MGA: variants seen among roughly 807,000 people sequenced by gnomAD.
The protein encoded by MGA is MAX dimerization protein MGA.
A neutral mutation model predicts 261.1 loss-of-function variants in MGA; 40 were observed. That is an observed-to-expected ratio of 0.15 (90% confidence interval 0.12 to 0.20). The LOEUF is 0.20. Ranked by LOEUF, MGA falls within the 10% of genes least tolerant of loss-of-function variation. The pLI, the probability that MGA is intolerant of heterozygous loss-of-function variation, is 1.00. For missense variants in MGA, 3,397 were observed against 3,630.5 expected (o/e 0.94, Z 1.65); for synonymous variants, 1,302 against 1,290.6 (o/e 1.01, Z -0.19).
intron 13 of MGA, 39 bp downstream of exon 13, chr15:41,736,737 TAC>T: frequency 6.6e-7 from 1 of 1,504,122 alleles, no homozygotes; most frequent in Non-Finnish European, 8.9e-7. Context: ...CACCTTTGTA[TAC>T]ACCTAGGTAG....
In MGA at chr15:41,760,459, T is replaced by A. The variant is rs2151993270; in HGVS notation, c.7328T>A (p.Phe2443Tyr). ...CGGCGTGGTGAAATGAGGGATCTCT[T>A]TGAGAAATTAAAGATCACATTGGGA... Residue 2443 changes from phenylalanine to tyrosine, a missense_variant, in exon 20 of 24, where the codon TTT (phenylalanine) becomes TAT (tyrosine). Physicochemically the swap from Phe to Tyr is conservative, Grantham distance 22 (BLOSUM62 3). Transcript: ENST00000219905. 1 of 1,614,008 alleles carries A rather than the reference T, an allele frequency of 6.2e-7. No homozygotes were observed.
upstream of MGA, among the ~76,000 whole-genome samples, chr15:41,656,344 T>TCTCTCTCTCTCCCCC (rs149903830): frequency 1.7e-5 from 1 of 59,988 alleles, no homozygotes; most frequent in Non-Finnish European, 3.6e-5. Context: ...CTCTCCTCTC[T>TCTCTCTCTCTCCCCC]TCTCTCTCTC....
intron 12 of MGA, among the ~76,000 whole-genome samples, chr15:41,735,154 A>G (rs932225070): frequency 2.6e-5 from 4 of 152,174 alleles, no homozygotes; most frequent in African/African-American, 4.8e-5. Context: ...TCTATAGCAC[A>G]TTGCGGTAAG....
In MGA at chr15:41,696,744, A is replaced by T. The variant is rs749862030; in HGVS notation, c.1734A>T (p.Ser578=). 1 of 1,611,442 alleles carries T rather than the reference A, an allele frequency of 6.2e-7. No individual in the cohort carries two copies. The highest frequency in any genetic ancestry group is 8.5e-7 in the Non-Finnish European group (1 of 1,178,682). The change falls in exon 3 of 24, where the codon TCA becomes TCT. Residue 578 remains serine (S), a synonymous_variant. Coordinates refer to ENST00000219905, the MANE Select transcript of MGA (RefSeq NM_001164273.2). ...AGGATTCAGTTGGAGACTCACTTTC[A>T]GGAAAAGAGGACTTGGGCAGAAAGA...
At chr15:41,686,452 G>C (rs1363335055) in intron 2 of MGA, among the ~76,000 whole-genome samples, 1 of 152,134 alleles carries the variant, frequency 6.6e-6, no homozygotes, top group Non-Finnish European at 1.5e-5. Flanking sequence ...GATTGCTTGA[G>C]TTGAGCCTGG....
At chr15:41,668,486 A>G (rs2057883717) in intron 1 of MGA, among the ~76,000 whole-genome samples, 1 of 152,202 alleles carries the variant, frequency 6.6e-6, no homozygotes, top group Non-Finnish European at 1.5e-5. Flanking sequence ...TTAAAAATGC[A>G]TAACCTTCAA....
chr15:41,741,798 A>G (rs933497916), intron 14 of MGA, among the ~76,000 whole-genome samples: 1 of 151,688 alleles, frequency 6.6e-6, no homozygotes, highest in Admixed American at 6.6e-5. Context: ...TGCAGCATCC[A>G]CCTCCTGGGT....
Position 41,760,814 on chromosome 15 carries a change from G to A in MGA, c.7398+285G>A, listed in dbSNP as rs144279994. On this transcript the variant is annotated intron_variant, in intron 20 of 23. Transcript: ENST00000219905. ...TACAATGGCACGATCTTGGCTCACC[G>A]CAACCTTTGCCTCATGGGTTCAAGC... is the stretch of plus-strand genomic sequence containing the variant. 7.9e-4 allele frequency among the ~76,000 whole-genome samples: 120 copies of A among 152,144 alleles called. 3 individuals carry two copies. The East Asian group carries it at 0.019, about 24-fold the overall frequency.
chr15:41,697,793 A>G (rs1424572171), intron 3 of MGA, among the ~76,000 whole-genome samples: 2 of 152,154 alleles, frequency 1.3e-5, no homozygotes, highest in Non-Finnish European at 2.9e-5. Context: ...TGTCTTACAC[A>G]TTGAAGTCTC....
chr15:41,711,634 A>G lies in MGA; in HGVS notation c.3084+285A>G, dbSNP rs74665471. 8.3e-3 allele frequency among the ~76,000 whole-genome samples: 1,257 copies of G among 152,188 alleles called. 13 individuals are homozygous for G. Among genetic ancestry groups the G allele is most frequent in the African/African-American group, 0.029 (1,208 of 41,474 alleles). On this transcript the variant is annotated intron_variant, in intron 8 of 23. Coordinates refer to ENST00000219905, the MANE Select transcript of MGA (RefSeq NM_001164273.2). ...GACCATTCTGAAAATCTCTGATTTC[A>G]TTTTCCAACATATGGGCAAGTACAT... is the stretch of plus-strand genomic sequence containing the variant.
At chr15:41,683,628 G>C (rs2058791141) in intron 2 of MGA, among the ~76,000 whole-genome samples, 1 of 149,652 alleles carries the variant, frequency 6.7e-6, no homozygotes, top group South Asian at 2.1e-4. Flanking sequence ...ACCCAGGCTG[G>C]AGTGCAGTGG....
At position 41,749,904 on chromosome 15, in the gene MGA, A is replaced by C; in HGVS notation, c.6297A>C (p.Gln2099His). Residue 2099 changes from glutamine to histidine, a missense_variant, in exon 17 of 24, where the codon CAA (glutamine) becomes CAC (histidine). Physicochemically the swap from Gln to His is conservative, Grantham distance 24. Transcript: ENST00000219905. ...AAAAAGCCAGTAATAAGACAGTCCAAAATTTAAGTAAAGTACAGCATCAAA... is the reference window on the plus strand; with the variant it reads ...AAAAAGCCAGTAATAAGACAGTCCACAATTTAAGTAAAGTACAGCATCAAA... 1 of 1,613,988 alleles carries C rather than the reference A, an allele frequency of 6.2e-7. No individual in the cohort carries two copies. Among genetic ancestry groups the C allele is most frequent in the Non-Finnish European group, 8.5e-7 (1 of 1,179,892 alleles).
intron 2 of MGA, among the ~76,000 whole-genome samples, chr15:41,679,135 A>G (rs909555755): frequency 1.3e-5 from 2 of 151,868 alleles, no homozygotes; most frequent in Non-Finnish European, 2.9e-5. Flanking sequence ...TCCTGTGTTT[A>G]AGCAATTCTC....
intron 15 of MGA, among the ~76,000 whole-genome samples, chr15:41,747,939 C>T (rs373585283): frequency 1.1e-4 from 16 of 152,260 alleles, no homozygotes; most frequent in African/African-American, 2.2e-4. Flanking sequence ...CCAAATTAGA[C>T]GTTATTTGAA....
chr15:41,730,314 C>T (rs970590051), intron 11 of MGA, among the ~76,000 whole-genome samples: 1 of 152,022 alleles, frequency 6.6e-6, no homozygotes, highest in African/African-American at 2.4e-5. Flanking sequence ...TGGTGGGCCC[C>T]TGTAATCCCA....
At chr15:41,744,355 C>T (rs1031639892) in intron 15 of MGA, among the ~76,000 whole-genome samples, 8 of 152,056 alleles carry the variant, frequency 5.3e-5, no homozygotes, top group African/African-American at 1.9e-4. Flanking sequence ...AGGTTTATGC[C>T]ACCACGTCCA....
At chr15:41,636,910 C>T (rs563677228) in intron 1 of MGA, among the ~76,000 whole-genome samples, 16 of 152,134 alleles carry the variant, frequency 1.1e-4, no homozygotes, top group Middle Eastern at 3.4e-3. Flanking sequence ...CAAGGGTGTC[C>T]TGGAACCAGT....
chr15:41,760,615 G>A (rs2063398030), intron 20 of MGA, 86 bp downstream of exon 20: 3 of 1,363,786 alleles, frequency 2.2e-6, no homozygotes, highest in Middle Eastern at 1.9e-4. Context: ...TGACATATAA[G>A]GGAGATTGAA....
intron 14 of MGA, 51 bp from the exon 15 acceptor site, chr15:41,742,495 G>A: frequency 6.3e-7 from 1 of 1,581,374 alleles, no homozygotes; most frequent in Admixed American, 1.7e-5. Context: ...GTCACTAAGA[G>A]GATAAAATAT....
Sources: allele counts gnomAD v4.1 joint callset (sites outside exome capture counted in the v4.1 genomes callset), GRCh38; gene constraint gnomAD v4.1.1; transcripts MANE v1.5; gene names NCBI Gene and HGNC (gene_info 2026-07-23, HGNC 2026-07-21).